TEAD1: variants seen among roughly 807,000 people sequenced by gnomAD.
TEAD1 encodes the protein TEA domain transcription factor 1.
TEAD1 carries 9 observed loss-of-function variants against 54.9 expected under a neutral mutation model. That is an observed-to-expected ratio of 0.16 (90% confidence interval 0.10 to 0.29). The LOEUF is 0.29. Among genes scored for constraint, TEAD1 ranks in the 10% least tolerant of loss-of-function variants. TEAD1 has a pLI of 1.00. For synonymous variants in TEAD1, 200 were observed against 187.8 expected, an observed-to-expected ratio of 1.07 and a Z score of -0.53; for missense variants, 387 against 535.9, an observed-to-expected ratio of 0.72 and a Z score of 2.74.
intron 3 of TEAD1, among the ~76,000 whole-genome samples, chr11:12,812,696 T>A (rs1946330004): frequency 1.3e-5 from 2 of 152,224 alleles, no homozygotes; most frequent in African/African-American, 4.8e-5. Context: ...TAGATTTTCC[T>A]CAAATCCCTC....
chr11:12,822,566 T>G (rs1946575409), intron 3 of TEAD1: 1 of 152,424 alleles, frequency 6.6e-6, no homozygotes, highest in Admixed American at 6.5e-5. Context: ...CTGTGGAGCC[T>G]TGACTGGGAG....
chr11:12,709,761 C>T (rs1943894980), intron 2 of TEAD1, among the ~76,000 whole-genome samples: 1 of 151,984 alleles, frequency 6.6e-6, no homozygotes, highest in East Asian at 1.9e-4. Flanking sequence ...GGTCGTTAAC[C>T]CAAGTAATCC....
intron 3 of TEAD1, among the ~76,000 whole-genome samples, chr11:12,839,248 T>C (rs1946974099): frequency 6.6e-6 from 1 of 152,054 alleles, no homozygotes; most frequent in Admixed American, 6.6e-5. Context: ...CCGTCTCTAC[T>C]AAAAATACAA....
At chr11:12,695,951 TCTC>T (rs1477421956) in intron 2 of TEAD1, among the ~76,000 whole-genome samples, 20 of 152,118 alleles carry the variant, frequency 1.3e-4, no homozygotes, top group Non-Finnish European at 2.8e-4. Flanking sequence ...TAAGAACTCT[TCTC>T]TGAAGAAAAA....
chr11:12,729,266 C>T (rs1036128289), intron 2 of TEAD1, among the ~76,000 whole-genome samples: 8 of 152,200 alleles, frequency 5.3e-5, no homozygotes, highest in African/African-American at 1.7e-4. Flanking sequence ...TCTCTTGCTG[C>T]TTGAGGGTAG....
At chr11:12,884,254 T>C (rs895565495) in intron 9 of TEAD1, among the ~76,000 whole-genome samples, 4 of 152,104 alleles carry the variant, frequency 2.6e-5, no homozygotes, top group Admixed American at 2.6e-4. Context: ...ACTCCTTGGC[T>C]GTGAGTATGA....
At chr11:12,711,373 A>G (rs1943935578) in intron 2 of TEAD1, among the ~76,000 whole-genome samples, 1 of 152,190 alleles carries the variant, frequency 6.6e-6, no homozygotes, top group African/African-American at 2.4e-5. Context: ...AGGTTTGTCT[A>G]ATGCCACTTT....
intron 2 of TEAD1, among the ~76,000 whole-genome samples, chr11:12,743,520 G>A (rs1944687069): frequency 6.6e-6 from 1 of 152,182 alleles, no homozygotes; most frequent in Admixed American, 6.5e-5. Flanking sequence ...AGATTATGGA[G>A]TTCATCTTTG....
At chr11:12,847,004 G>T (rs1475201920) in intron 3 of TEAD1, among the ~76,000 whole-genome samples, 2 of 152,140 alleles carry the variant, frequency 1.3e-5, no homozygotes, top group Admixed American at 6.5e-5. Flanking sequence ...CATCCAACAC[G>T]ACTGTGAGCT....
intron 2 of TEAD1, among the ~76,000 whole-genome samples, chr11:12,710,540 T>G (rs2133850969): frequency 6.6e-6 from 1 of 152,154 alleles, no homozygotes; most frequent in East Asian, 1.9e-4. Flanking sequence ...GTACACACAG[T>G]GAGAATAGAG....
At chr11:12,863,146 G>A (rs1198831557) in intron 4 of TEAD1, among the ~76,000 whole-genome samples, 1 of 152,160 alleles carries the variant, frequency 6.6e-6, no homozygotes, top group Non-Finnish European at 1.5e-5. Context: ...CAGACCAAAA[G>A]GCTAACTAAA....
chr11:12,895,495 T>G (rs7941340), intron 9 of TEAD1, among the ~76,000 whole-genome samples: 109,199 of 151,552 alleles, frequency 0.72, 41,965 homozygotes, highest in Middle Eastern at 0.87. Flanking sequence ...GCGTTTGAGC[T>G]GTAGGAAAGC....
chr11:12,705,499 C>A (rs969618671), intron 2 of TEAD1, among the ~76,000 whole-genome samples: 2 of 152,102 alleles, frequency 1.3e-5, no homozygotes, highest in African/African-American at 2.4e-5. Flanking sequence ...GCACCTGTCA[C>A]CATTCTGCTT....
chr11:12,891,613 C>T (rs1048988168), intron 9 of TEAD1, among the ~76,000 whole-genome samples: 7 of 152,164 alleles, frequency 4.6e-5, no homozygotes, highest in Admixed American at 3.3e-4. Context: ...GATGATAATG[C>T]TTTTGCCTTT....
In TEAD1 at chr11:12,764,253, C is replaced by A. The variant is rs745585390; in HGVS notation, c.21C>A (p.Ser7Arg). ...CCAAAATTGAGCCCAGCAGCTGGAG[C>A]GGCAGTGAGAGCCCTGCCGAAAACA... Residue 7 changes from serine to arginine, a missense_variant, in exon 3 of 13, where the codon AGC becomes AGA. Ser to Arg is a moderately radical substitution (Grantham distance 110). Coordinates refer to ENST00000527636, the MANE Select transcript of TEAD1 (RefSeq NM_021961.6). The A allele has an allele frequency of 8.1e-6, 13 of 1,613,976 alleles. No individual in the cohort carries two copies. The highest frequency in any genetic ancestry group is 1.0e-5 in the Non-Finnish European group (12 of 1,179,972).
intron 2 of TEAD1, among the ~76,000 whole-genome samples, chr11:12,752,847 G>GT (rs36003316): frequency 0.021 from 3,090 of 147,562 alleles, 82 homozygotes; most frequent in African/African-American, 0.064. Flanking sequence ...ATATGCTACA[G>GT]TTTTTTTTTT....
At chr11:12,872,742 A>T (rs1194803563) in intron 5 of TEAD1, among the ~76,000 whole-genome samples, 1 of 152,186 alleles carries the variant, frequency 6.6e-6, no homozygotes, top group Non-Finnish European at 1.5e-5. Flanking sequence ...TCCAACTTAG[A>T]TAATGCCCTA....
In TEAD1 at chr11:12,792,355, TAAAAA is replaced by T. The variant is rs10630085; in HGVS notation, c.202+27936_202+27940del. ...GAAAAGGAAAGTAAAGGGAAAATAGTAAAAAAAAAAAAAAAAAAAGTCCTATATAG... is the reference window on the plus strand; with the variant it reads ...GAAAAGGAAAGTAAAGGGAAAATAGTAAAAAAAAAAAAAAGTCCTATATAG... On this transcript the variant is annotated intron_variant, in intron 3 of 12. Coordinates refer to ENST00000527636, the MANE Select transcript of TEAD1 (RefSeq NM_021961.6). Among the ~76,000 whole-genome samples the T allele has an allele frequency of 4.0e-4, 39 of 98,660 alleles. 1 individual carries two copies. The highest frequency in any genetic ancestry group is 8.3e-5 in the Non-Finnish European group (4 of 48,418). The allele number at this position is 98,660 out of a possible 152,430, so 64.7% of individuals were successfully genotyped here. A position where few individuals can be genotyped will look rare whatever the true frequency, so the allele number is the denominator to read the frequency against.
intron 5 of TEAD1, among the ~76,000 whole-genome samples, chr11:12,870,613 C>T (rs1337790933): frequency 3.9e-5 from 6 of 152,186 alleles, no homozygotes; most frequent in African/African-American, 1.4e-4. Context: ...AGGCTGGGCA[C>T]GGTGGCTCAC....
Sources: allele counts gnomAD v4.1 joint callset (sites outside exome capture counted in the v4.1 genomes callset), GRCh38; gene constraint gnomAD v4.1.1; transcripts MANE v1.5; gene names NCBI Gene and HGNC (gene_info 2026-07-23, HGNC 2026-07-21).